The following UBE2D4 variants were observed in gnomAD, a reference collection of about 807,000 sequenced individuals.
The protein encoded by UBE2D4 is ubiquitin conjugating enzyme E2 D4, also known as ubiquitin-conjugating enzyme E2 D4.
Under a neutral mutation model 23.0 loss-of-function variants are expected in UBE2D4, and 17 were observed. The ratio of observed to expected loss-of-function variants is 0.74; its 90% CI spans 0.51 to 1.11. The LOEUF is 1.11. Among genes scored for constraint, UBE2D4 ranks in the 50% least tolerant of loss-of-function variants. The probability of loss-of-function intolerance (pLI) is 0.00; values close to 1 mark genes in which losing one functional copy is unlikely to be tolerated. For missense variants in UBE2D4, 139 were observed against 181.8 expected (o/e 0.76, Z 1.35); for synonymous variants, 61 against 69.4 (o/e 0.88, Z 0.60).
chr7:43,931,624 G>GC (rs1562596802), intron 1 of UBE2D4, among the ~76,000 whole-genome samples: 1 of 141,950 alleles, frequency 7.0e-6, no homozygotes, highest in Admixed American at 7.0e-5. Context: ...GGGGCGGGGG[G>GC]GGTGGCAGAG....
chr7:43,946,794 A>G (rs1585881271), intron 4 of UBE2D4, among the ~76,000 whole-genome samples: 1 of 151,640 alleles, frequency 6.6e-6, no homozygotes, highest in Non-Finnish European at 1.5e-5. Flanking sequence ...AATTCTGAGA[A>G]GGGGGGGTCT....
intron 1 of UBE2D4, among the ~76,000 whole-genome samples, chr7:43,934,496 C>T (rs896254340): frequency 1.4e-5 from 2 of 141,514 alleles, no homozygotes; most frequent in African/African-American, 5.4e-5. Context: ...TAACAAGAAA[C>T]ACACAAAGCT....
chr7:43,926,668 A>C, intron 1 of UBE2D4, 112 bp downstream of exon 1: 1 of 1,199,320 alleles, frequency 8.3e-7, no homozygotes, highest in South Asian at 1.6e-5. Flanking sequence ...TCGCGGATAC[A>C]CCTGCCTGGG....
Position 43,949,185 on chromosome 7 carries a change from G to A in UBE2D4, c.304+448G>A, listed in dbSNP as rs866995314. ...GAAATCCTCCCTTCCCAAAATAAAT[G>A]ATGTTGAGCACATGTCTTTGGTTGA... On this transcript the variant is annotated intron_variant, in intron 5 of 6. Coordinates refer to ENST00000222402, the MANE Select transcript of UBE2D4 (RefSeq NM_015983.4). The A allele has an allele frequency of 2.1e-4, 44 of 208,516 alleles. No homozygotes were observed. In the Middle Eastern group the frequency reaches 9.1e-3, roughly 43 times the overall value. 12.9% of individuals were successfully genotyped at this position (208,516 alleles called of 1,614,324 possible). A position where few individuals can be genotyped will look rare whatever the true frequency, so the allele number is the denominator to read the frequency against.
chr7:43,941,450 G>A (rs1382163166), intron 2 of UBE2D4: 3 of 152,340 alleles, frequency 2.0e-5, no homozygotes, highest in Non-Finnish European at 2.9e-5. Flanking sequence ...CAGCAAGAGG[G>A]GGCTCTAAAC....
Position 43,942,840 on chromosome 7 carries a change from G to A in UBE2D4, c.103G>A (p.Ala35Thr). The A allele has an allele frequency of 6.2e-7, 1 of 1,614,198 alleles. No individual in the cohort carries two copies. The highest frequency in any genetic ancestry group is 8.5e-7 in the Non-Finnish European group (1 of 1,180,040). ...PVGDDLFHWQ[A>T]TIMGPNDSPY... ...TTGTTTTGTAGTGTTCCACTGGCAGGCCACCATCATGGGCCCGGTAGGTAG... is the reference window on the plus strand; with the variant it reads ...TTGTTTTGTAGTGTTCCACTGGCAGACCACCATCATGGGCCCGGTAGGTAG... Residue 35 changes from alanine (A) to threonine (T), a missense_variant, in exon 3 of 7, where the codon GCC (alanine) becomes ACC (threonine). Ala to Thr is a moderately conservative substitution (Grantham distance 58). Coordinates refer to ENST00000222402, the MANE Select transcript of UBE2D4 (RefSeq NM_015983.4).
At chr7:43,951,715 G>T (rs973015583) in intron 6 of UBE2D4, among the ~76,000 whole-genome samples, 1 of 152,070 alleles carries the variant, frequency 6.6e-6, no homozygotes, top group Non-Finnish European at 1.5e-5. Flanking sequence ...TAGAGACAGG[G>T]TTTTGCCATG....
chr7:43,952,468 T>C, intron 6 of UBE2D4, 182 bp from the exon 7 acceptor site: 1 of 600,050 alleles, frequency 1.7e-6, no homozygotes, highest in Non-Finnish European at 3.0e-6. Context: ...GCTGGGGGTT[T>C]ACAGCCATGT....
At position 43,952,791 on chromosome 7, in the gene UBE2D4, G is replaced by A. The variant is rs2096005869; in HGVS notation, c.*96G>A. ...GGCTGTTGGCTGAGCCATTCAAAGAGCATCATCTGTTCTTCAAACAAATGT... is the reference window on the plus strand; with the variant it reads ...GGCTGTTGGCTGAGCCATTCAAAGAACATCATCTGTTCTTCAAACAAATGT... On this transcript the variant is annotated 3_prime_UTR_variant, in exon 7 of 7. Transcript: ENST00000222402. 1 of 1,005,510 alleles carries A rather than the reference G, an allele frequency of 9.9e-7. No individual in the cohort carries two copies. Among genetic ancestry groups the A allele is most frequent in the Admixed American group, 1.7e-5 (1 of 57,370 alleles). 62.3% of individuals were successfully genotyped at this position (1,005,510 alleles called of 1,614,324 possible). A position where few individuals can be genotyped will look rare whatever the true frequency, so the allele number is the denominator to read the frequency against.
At chr7:43,952,413 A>G in intron 6 of UBE2D4, 1 of 470,926 alleles carries the variant, frequency 2.1e-6, no homozygotes, top group Non-Finnish European at 3.9e-6. Context: ...GCAGATAGTT[A>G]TGGAGAATCA....
chr7:43,945,269 A>T (rs1158898954), intron 4 of UBE2D4, among the ~76,000 whole-genome samples: 1 of 152,220 alleles, frequency 6.6e-6, no homozygotes, highest in Non-Finnish European at 1.5e-5. Flanking sequence ...CTGGGATTAC[A>T]GGCGTGAGCC....
intron 1 of UBE2D4, among the ~76,000 whole-genome samples, chr7:43,932,207 T>G (rs1166200450): frequency 6.6e-6 from 1 of 151,666 alleles, no homozygotes; most frequent in Non-Finnish European, 1.5e-5. Flanking sequence ...GCCAGGATGG[T>G]CTCGATCTCC....
Position 43,926,560 on chromosome 7 carries a change from C to A in UBE2D4, c.24+4C>A, listed in dbSNP as rs749665888. On this transcript the variant is annotated splice_donor_region_variant and intron_variant, in intron 1 of 6. Transcript: ENST00000222402. ...GGCGCTAAAGCGGATCCAGAAGGTA[C>A]GCACTTTCCCACCCTCCAACTCTTT... 1.3e-5 allele frequency: 20 copies of A among 1,570,300 alleles called. No homozygotes were observed. The highest frequency in any genetic ancestry group is 1.6e-5 in the Non-Finnish European group (19 of 1,161,466).
intron 6 of UBE2D4, 58 bp downstream of exon 6, chr7:43,950,750 G>A: frequency 7.3e-7 from 1 of 1,379,134 alleles, no homozygotes; most frequent in Non-Finnish European, 1.0e-6. Context: ...GCTCCATGCA[G>A]TACCTGTGCT....
At chr7:43,947,245 C>G (rs557783155) in intron 4 of UBE2D4, 1 of 152,020 alleles carries the variant, frequency 6.6e-6, no homozygotes, top group Admixed American at 6.6e-5. Flanking sequence ...AGCAATTCTC[C>G]TGCCTCAGCC....
chr7:43,950,445 C>T (rs190056529), intron 5 of UBE2D4, among the ~76,000 whole-genome samples, 154 bp from the exon 6 acceptor site: 17 of 152,198 alleles, frequency 1.1e-4, no homozygotes, highest in Admixed American at 7.9e-4. Flanking sequence ...ATACATGGGA[C>T]GGGGCAAGTG....
At chr7:43,942,554 T>A in intron 2 of UBE2D4, 1 of 588,200 alleles carries the variant, frequency 1.7e-6, no homozygotes. Flanking sequence ...GAGAGAAGAA[T>A]AGAAACTCTG....
At chr7:43,936,825 C>A (rs2095959790) in intron 1 of UBE2D4, among the ~76,000 whole-genome samples, 1 of 152,172 alleles carries the variant, frequency 6.6e-6, no homozygotes, top group Non-Finnish European at 1.5e-5. Flanking sequence ...TACAACTTAA[C>A]AGGTAATTAC....
intron 5 of UBE2D4, 139 bp downstream of exon 5, chr7:43,948,876 G>A: frequency 1.5e-6 from 1 of 674,470 alleles, no homozygotes; most frequent in Non-Finnish European, 2.6e-6. Flanking sequence ...GTGCCCTTAA[G>A]TGGATATCCT....
Sources: gnomAD v4.1 joint callset for allele counts (sites outside exome capture counted in the v4.1 genomes callset) on GRCh38, gnomAD v4.1.1 for gene constraint, MANE v1.5 for transcripts, NCBI Gene and HGNC (gene_info 2026-07-23, HGNC 2026-07-21) for gene names.